RECK: variants seen among roughly 807,000 people sequenced by gnomAD.
RECK encodes reversion inducing cysteine rich protein with kazal motifs, also known as reversion-inducing cysteine-rich protein with Kazal motifs.
A neutral mutation model predicts 115.1 loss-of-function variants in RECK; 69 were observed. That is an observed-to-expected ratio of 0.60 (90% CI 0.49 to 0.73). The LOEUF is 0.73. RECK is among the 30% of genes least tolerant of loss of function. The pLI is 0.00. For missense variants in RECK, 1,047 were observed against 1,203.7 expected (o/e 0.87, Z 1.93); for synonymous variants, 414 against 419.7 (o/e 0.99, Z 0.17).
In RECK at chr9:36,087,714, GC is replaced by G; in HGVS notation, c.659del (p.Ala220ValfsTer14). ...TGTAGGTTTATATTGCTGTGACAGA[GC>G]TGAAGACCATGCTTGCCAAAATGCC... ...PTDSLYCCDR[A>X]EDHACQNACK... On this transcript the variant is annotated frameshift_variant, in exon 9 of 21. Coordinates refer to ENST00000377966, the MANE Select transcript of RECK (RefSeq NM_021111.3). LOFTEE classifies it high-confidence loss of function. 1 of 1,613,960 alleles carries G rather than the reference GC, an allele frequency of 6.2e-7. No individual in the cohort carries two copies. The highest frequency in any genetic ancestry group is 8.5e-7 in the Non-Finnish European group (1 of 1,179,884).
At chr9:36,090,694 G>A (rs1283411009) in intron 9 of RECK, among the ~76,000 whole-genome samples, 2 of 152,238 alleles carry the variant, frequency 1.3e-5, no homozygotes, top group Middle Eastern at 3.4e-3. Flanking sequence ...TAGTTTTTCA[G>A]GGAGAAACTA....
Position 36,123,011 on chromosome 9 carries a change from G to C in RECK, c.2882G>C (p.Gly961Ala). 1 of 1,614,026 alleles carries C rather than the reference G, an allele frequency of 6.2e-7. No homozygotes were observed. The highest frequency in any genetic ancestry group is 1.3e-5 in the African/African-American group (1 of 74,976). Residue 961 changes from glycine to alanine, a missense_variant, in exon 21 of 21, where the codon GGC becomes GCC. Transcript: ENST00000377966. The part of the protein sequence containing the change: ...CHSLLLPLSL[G>A]LALHLLWTYN ...TCCCTCCTCCTTCCCCTCAGCTTGG[G>C]CCTTGCCTTGCACTTGCTCTGGACA... is the stretch of plus-strand genomic sequence containing the variant.
intron 19 of RECK, among the ~76,000 whole-genome samples, chr9:36,120,994 C>CCCTGCT (rs1824440330): frequency 6.6e-6 from 1 of 152,162 alleles, no homozygotes; most frequent in African/African-American, 2.4e-5. Flanking sequence ...TAGAAAAGGC[C>CCCTGCT]CCTGCTGGCA....
In RECK at chr9:36,058,843, G is replaced by A. The variant is rs1469434681; in HGVS notation, c.176G>A (p.Ser59Asn). 4 of 1,576,854 alleles carry A rather than the reference G, an allele frequency of 2.5e-6. No homozygotes were observed. The highest frequency in any genetic ancestry group is 1.4e-5 in the African/African-American group (1 of 72,730). Residue 59 changes from serine to asparagine, a missense_variant, in exon 3 of 21, where the codon AGT becomes AAT. By Grantham distance (46) the Ser-to-Asn change is conservative. Coordinates refer to ENST00000377966, the MANE Select transcript of RECK (RefSeq NM_021111.3). ...GTCAAATAGATTTTCTCCTCAAAAAGTGAATCCCGACTAAAACATCTGTTG... is the reference window on the plus strand; with the variant it reads ...GTCAAATAGATTTTCTCCTCAAAAAATGAATCCCGACTAAAACATCTGTTG... ...DVCEQIFSSK[S>N]ESRLKHLLQR...
chr9:36,065,705 A>C, intron 6 of RECK, 81 bp downstream of exon 6: 1 of 1,161,928 alleles, frequency 8.6e-7, no homozygotes, highest in Non-Finnish European at 1.1e-6. Context: ...TTTTAAAATG[A>C]ATTTATTTTT....
chr9:36,078,801 A>G (rs1340316009), intron 6 of RECK, among the ~76,000 whole-genome samples: 1 of 152,168 alleles, frequency 6.6e-6, no homozygotes. Flanking sequence ...GAGCAATGAG[A>G]ATTGCATTCA....
At chr9:36,122,459 CTTTTCTT>C (rs1824499084) in intron 20 of RECK, among the ~76,000 whole-genome samples, 1 of 152,116 alleles carries the variant, frequency 6.6e-6, no homozygotes, top group African/African-American at 2.4e-5. Context: ...TTGTCTTTCT[CTTTTCTT>C]TTTTCTTCTT....
At chr9:36,106,534 G>A (rs185926666) in intron 13 of RECK, among the ~76,000 whole-genome samples, 4 of 151,502 alleles carry the variant, frequency 2.6e-5, no homozygotes, top group East Asian at 4.0e-4. Flanking sequence ...CACTGCGCCC[G>A]GCCTTAAAAT....
chr9:36,105,086 TAC>T (rs1276797207), intron 12 of RECK, 55 bp from the exon 13 acceptor site: 1 of 1,434,808 alleles, frequency 7.0e-7, no homozygotes, highest in East Asian at 2.3e-5. Context: ...TCAGATAATT[TAC>T]AGTTTTCTCT....
intron 12 of RECK, 147 bp downstream of exon 12, chr9:36,102,377 T>A: frequency 1.4e-6 from 1 of 694,486 alleles, no homozygotes; most frequent in Non-Finnish European, 2.3e-6. Flanking sequence ...CTTGTTTGCT[T>A]GGCCTTTTTG....
chr9:36,111,332 C>T (rs898630316), intron 15 of RECK, among the ~76,000 whole-genome samples: 41 of 152,176 alleles, frequency 2.7e-4, no homozygotes, highest in African/African-American at 9.9e-4. Context: ...CTCAAAATTA[C>T]AGTAATTTTC....
intron 6 of RECK, 150 bp downstream of exon 6, chr9:36,065,774 T>G: frequency 1.9e-6 from 1 of 519,666 alleles, no homozygotes; most frequent in Non-Finnish European, 3.1e-6. Context: ...TCATTTACTG[T>G]GTTCGGAAAT....
chr9:36,098,276 T>G (rs1343179890), intron 10 of RECK, among the ~76,000 whole-genome samples: 1 of 152,210 alleles, frequency 6.6e-6, no homozygotes, highest in Non-Finnish European at 1.5e-5. Context: ...TTAGCTTAAT[T>G]TAGCCATTCC....
At position 36,091,262 on chromosome 9, in the gene RECK, T is replaced by C. The variant is rs372033961; in HGVS notation, c.1004T>C (p.Met335Thr). Residue 335 changes from methionine (M) to threonine (T), a missense_variant, in exon 10 of 21, where the codon ATG (methionine) becomes ACG (threonine). Physicochemically the swap from Met to Thr is moderately conservative, Grantham distance 81. Transcript: ENST00000377966. ...FCEYNPVEVS[M>T]LTCLADVREP... ...GAATATAATCCAGTGGAAGTGTCCA[T>C]GTTGACCTGTTTAGCGGATGTCCGG... 3.7e-6 allele frequency: 6 copies of C among 1,613,184 alleles called. No individual in the cohort carries two copies. The highest frequency in any genetic ancestry group is 1.3e-5 in the African/African-American group (1 of 74,856).
chr9:36,057,529 T>C (rs936871324), intron 2 of RECK, among the ~76,000 whole-genome samples: 1 of 152,180 alleles, frequency 6.6e-6, no homozygotes, highest in Non-Finnish European at 1.5e-5. Flanking sequence ...TTTCCACTTA[T>C]AAAAGGAGCC....
At chr9:36,090,657 T>C (rs1488965405) in intron 9 of RECK, among the ~76,000 whole-genome samples, 1 of 152,194 alleles carries the variant, frequency 6.6e-6, no homozygotes, top group Admixed American at 6.5e-5. Context: ...CTTTGGAATA[T>C]CTTAGGGAAT....
intron 1 of RECK, among the ~76,000 whole-genome samples, chr9:36,049,568 G>A (rs1219194064): frequency 2.6e-5 from 4 of 152,130 alleles, no homozygotes; most frequent in South Asian, 2.1e-4. Flanking sequence ...TTCAAAGCTG[G>A]GCCTGGGCCA....
At chr9:36,099,415 T>C (rs1344220959) in intron 10 of RECK, among the ~76,000 whole-genome samples, 1 of 152,250 alleles carries the variant, frequency 6.6e-6, no homozygotes, top group African/African-American at 2.4e-5. Context: ...TTCTCGCTAA[T>C]GTTTACTTTG....
intron 4 of RECK, among the ~76,000 whole-genome samples, chr9:36,063,484 T>C (rs1476544217): frequency 2.0e-5 from 3 of 152,204 alleles, no homozygotes; most frequent in Non-Finnish European, 4.4e-5. Flanking sequence ...TTGCTTTCCT[T>C]CCCTTGTACG....
Sources: allele counts gnomAD v4.1 joint callset (sites outside exome capture counted in the v4.1 genomes callset), GRCh38; gene constraint gnomAD v4.1.1; transcripts MANE v1.5; gene names NCBI Gene and HGNC (gene_info 2026-07-23, HGNC 2026-07-21).